The following SF3A2 variants were observed in gnomAD, a reference collection of about 807,000 sequenced individuals.
The protein encoded by SF3A2 is SAP 62.
In SF3A2, 5 loss-of-function variants were observed where a neutral mutation model predicts 31.1. That is an observed-to-expected ratio of 0.16 (90% CI 0.08 to 0.34). The LOEUF (loss-of-function observed/expected upper bound fraction) is 0.34, where lower values mean the gene tolerates loss of function less well. Among genes scored for constraint, SF3A2 ranks in the 10% least tolerant of loss-of-function variants. SF3A2 has a pLI of 1.00. For missense variants in SF3A2, 577 were observed against 643.9 expected (o/e 0.90, Z 1.13); for synonymous variants, 365 against 263.7 (o/e 1.38, Z -3.72).
In SF3A2 at chr19:2,247,868, C is replaced by A; in HGVS notation, c.717C>A (p.Asn239Lys). ...AGCGGCCTCCACCCCCGCTGATGAA[C>A]GGTCTGCCCCCTCGGCCACCGCTGC... The part of the protein sequence containing the change: ...GVKRPPPPLM[N>K]GLPPRPPLPE... The change falls in exon 9 of 9, where the codon AAC becomes AAA. Residue 239 changes from asparagine (N) to lysine (K), a missense_variant. Coordinates refer to ENST00000221494, the MANE Select transcript of SF3A2 (RefSeq NM_007165.5). The A allele has an allele frequency of 6.4e-7, 1 of 1,558,396 alleles. No individual in the cohort carries two copies. The highest frequency in any genetic ancestry group is 8.8e-7 in the Non-Finnish European group (1 of 1,139,470).
chr19:2,243,630 G>A, intron 2 of SF3A2, 86 bp downstream of exon 2: 2 of 1,405,490 alleles, frequency 1.4e-6, no homozygotes, highest in Non-Finnish European at 1.9e-6. Context: ...CTCTTCTTGG[G>A]CCTCCGCCCA....
In SF3A2 at chr19:2,245,775, C is replaced by T. The variant is rs578162794; in HGVS notation, c.355+220C>T. On this transcript the variant is annotated intron_variant, in intron 5 of 8. Coordinates refer to ENST00000221494, the MANE Select transcript of SF3A2 (RefSeq NM_007165.5). This position sits in a 1 kb window ranked among gnomAD's most constrained non-coding sequence, Gnocchi z 4.2. ...CCCATCTCACCCAGCAGCCCATTTC[C>T]CAGCTGAGCCACAGTCTGTGCCCTC... The T allele has an allele frequency of 5.2e-6, 3 of 578,188 alleles. No homozygotes were observed. Among genetic ancestry groups the T allele is most frequent in the East Asian group, 5.8e-5 (2 of 34,512 alleles). 35.8% of individuals were successfully genotyped at this position (578,188 alleles called of 1,614,324 possible). A position where few individuals can be genotyped will look rare whatever the true frequency, so the allele number is the denominator to read the frequency against.
At position 2,248,060 on chromosome 19, in the gene SF3A2, C is replaced by A; in HGVS notation, c.909C>A (p.Pro303=). The A allele has an allele frequency of 1.1e-6, 1 of 932,382 alleles. No individual in the cohort carries two copies. 57.8% of individuals were successfully genotyped at this position (932,382 alleles called of 1,614,324 possible). A position where few individuals can be genotyped will look rare whatever the true frequency, so the allele number is the denominator to read the frequency against. The part of the protein sequence containing the change: ...VVHPPASGVH[P]PAPGVHPPAP... ...ATCCCCCTGCATCTGGGGTCCATCC[C>A]CCAGCTCCTGGCGTCCACCCCCCAG... Residue 303 remains proline, a synonymous_variant, in exon 9 of 9, where the codon CCC becomes CCA. Coordinates refer to ENST00000221494, the MANE Select transcript of SF3A2 (RefSeq NM_007165.5).
intron 1 of SF3A2, among the ~76,000 whole-genome samples, chr19:2,238,315 C>T (rs1333887974): frequency 1.3e-5 from 2 of 152,174 alleles, no homozygotes; most frequent in East Asian, 3.8e-4. Flanking sequence ...AGCCACTGCA[C>T]CCGGCTAATT....
At position 2,247,946 on chromosome 19, in the gene SF3A2, CCCCACAGGGCCTGCG is replaced by C; in HGVS notation, c.799_813del (p.Thr267_Pro271del). ...GAGGCCTGCCTCTGCCACCCATGCCCCCCACAGGGCCTGCGCCCTCAGGGCCCCCGGGACCACCCC... is the reference window on the plus strand; with the variant it reads ...GAGGCCTGCCTCTGCCACCCATGCCCCCCTCAGGGCCCCCGGGACCACCCC... On this transcript the variant is annotated inframe_deletion, in exon 9 of 9. Coordinates refer to ENST00000221494, the MANE Select transcript of SF3A2 (RefSeq NM_007165.5). 1 of 1,432,140 alleles carries C rather than the reference CCCCACAGGGCCTGCG, an allele frequency of 7.0e-7. No individual in the cohort carries two copies. The highest frequency in any genetic ancestry group is 9.6e-7 in the Non-Finnish European group (1 of 1,038,096). 88.7% of individuals were successfully genotyped at this position (1,432,140 alleles called of 1,614,324 possible).
chr19:2,247,301 G>T, intron 7 of SF3A2: 1 of 549,392 alleles, frequency 1.8e-6, no homozygotes, highest in South Asian at 2.5e-5. Flanking sequence ...TCCTGGGCCA[G>T]GCTGCTGGAG....
chr19:2,243,651 T>A, intron 2 of SF3A2, 107 bp downstream of exon 2: 1 of 1,278,024 alleles, frequency 7.8e-7, no homozygotes, highest in Non-Finnish European at 1.0e-6. Flanking sequence ...GGCTGGGCGA[T>A]GCAGCCCCGT....
At position 2,246,092 on chromosome 19, in the gene SF3A2, G is replaced by C. The variant is rs1228086574; in HGVS notation, c.355+537G>C. Reference sequence around the variant, plus strand: ...AGCAAGTGTTCTTTACAGAAGGCGGGGACAGCCTGTGTGCCTGGCCTCCAG... The same window carrying C: ...AGCAAGTGTTCTTTACAGAAGGCGGCGACAGCCTGTGTGCCTGGCCTCCAG... On this transcript the variant is annotated intron_variant, in intron 5 of 8. Transcript: ENST00000221494. The surrounding 1 kb of genome is among the most constrained non-coding windows in gnomAD (Gnocchi z 5.5). Among the ~76,000 whole-genome samples the C allele has an allele frequency of 1.3e-5, 2 of 152,222 alleles. No individual in the cohort carries two copies. The highest frequency in any genetic ancestry group is 2.9e-5 in the Non-Finnish European group (2 of 68,042).
intron 1 of SF3A2, among the ~76,000 whole-genome samples, chr19:2,241,207 G>C (rs1401926914): frequency 6.6e-6 from 1 of 152,124 alleles, no homozygotes; most frequent in Non-Finnish European, 1.5e-5. Context: ...ATGACGCCCC[G>C]AGATCTGTGT....
chr19:2,248,580 A>T lies in SF3A2; in HGVS notation c.*34A>T. On this transcript the variant is annotated 3_prime_UTR_variant, in exon 9 of 9. Transcript: ENST00000221494. ...TCCCTCCCCCAGCAAGCCCAGCGCC[A>T]GGTGCTCTTGCCTTTTCCCACTGAG... is the stretch of plus-strand genomic sequence containing the variant. 1.6e-6 allele frequency: 1 copy of T among 633,984 alleles called. No homozygotes were observed. The highest frequency in any genetic ancestry group is 3.4e-5 in the East Asian group (1 of 29,800). 39.3% of individuals were successfully genotyped at this position (633,984 alleles called of 1,614,324 possible).
At chr19:2,241,191 C>T (rs941383340) in intron 1 of SF3A2, among the ~76,000 whole-genome samples, 1 of 152,166 alleles carries the variant, frequency 6.6e-6, no homozygotes, top group African/African-American at 2.4e-5. Context: ...GAGAGGGGAG[C>T]GCTTGATGAC....
rs377591309 is a variant in SF3A2, at chr19:2,248,474, G to A, written c.1323G>A (p.Met441Ile). The part of the protein sequence containing the change: ...SNPGVHPPTP[M>I]PPMLRPPLPS... ...CTGGGGTGCACCCCCCAACTCCCAT[G>A]CCCCCAATGCTGAGGCCCCCACTTC... Residue 441 changes from methionine (M) to isoleucine (I), a missense_variant, in exon 9 of 9, where the codon ATG becomes ATA. By Grantham distance (10) the Met-to-Ile change is conservative. This residue lies in a region of SF3A2 where 462 missense variants were observed against 339.1 expected (regional missense o/e 1.36). Coordinates refer to ENST00000221494, the MANE Select transcript of SF3A2 (RefSeq NM_007165.5). The A allele has an allele frequency of 6.2e-5, 68 of 1,092,598 alleles. 1 individual carries two copies. Among genetic ancestry groups the A allele is most frequent in the Non-Finnish European group, 7.6e-5 (67 of 876,602 alleles). 67.7% of individuals were successfully genotyped at this position (1,092,598 alleles called of 1,614,324 possible).
intron 1 of SF3A2, among the ~76,000 whole-genome samples, chr19:2,242,240 T>C (rs1336023680): frequency 6.6e-6 from 1 of 152,254 alleles, no homozygotes; most frequent in Non-Finnish European, 1.5e-5. Flanking sequence ...CTGTGACACA[T>C]CACTGCAGAC....
Position 2,245,378 on chromosome 19 carries a change from C to T in SF3A2, c.246-68C>T. 1 of 1,208,014 alleles carries T rather than the reference C, an allele frequency of 8.3e-7. No individual in the cohort carries two copies. Among genetic ancestry groups the T allele is most frequent in the Non-Finnish European group, 1.2e-6 (1 of 842,174 alleles). The allele number at this position is 1,208,014 out of a possible 1,614,324, so 74.8% of individuals were successfully genotyped here. On this transcript the variant is annotated intron_variant, in intron 4 of 8. Transcript: ENST00000221494. The surrounding 1 kb of genome is among the most constrained non-coding windows in gnomAD (Gnocchi z 4.2). ...AGCTCCAAGGTCAGGGGGCTCCTGG[C>T]ACCTGGGCCCATGGCTTTGGTGCCT...
rs1220291086 is a variant in SF3A2 at position 2,247,620 on chromosome 19, G to A, written c.573G>A (p.Ala191=). 5.6e-6 allele frequency: 9 copies of A among 1,613,432 alleles called. No homozygotes were observed. Among genetic ancestry groups the A allele is most frequent in the Middle Eastern group, 1.7e-4 (1 of 6,058 alleles). ...TGCCGAGCAGAGAGATCGACAAGGC[G>A]GAGGGCAAGTTCTGGACACACTGGA... The part of the protein sequence containing the change: ...FKVPSREIDK[A]EGKFWTHWNR... Residue 191 remains alanine (A), a synonymous_variant, in exon 8 of 9, where the codon GCG becomes GCA. Transcript: ENST00000221494.
At chr19:2,244,669 CAG>C in intron 3 of SF3A2, 54 bp downstream of exon 3, 1 of 1,610,830 alleles carries the variant, frequency 6.2e-7, no homozygotes, top group East Asian at 2.2e-5. Context: ...TGGCTGACGT[CAG>C]GGGGACCTGC....
At position 2,248,648 on chromosome 19, in the gene SF3A2, C is replaced by T. The variant is rs1255883694; in HGVS notation, c.*102C>T. On this transcript the variant is annotated 3_prime_UTR_variant, in exon 9 of 9. Transcript: ENST00000221494. ...TACTGCCCCCCGCTCATTAAACAGC[C>T]TCCCCCAGCCCTGAGTGCACTGATG... The T allele has an allele frequency of 7.3e-6, 3 of 411,418 alleles. No individual in the cohort carries two copies. The highest frequency in any genetic ancestry group is 1.3e-5 in the Non-Finnish European group (3 of 234,628). The allele number at this position is 411,418 out of a possible 1,614,324, so 25.5% of individuals were successfully genotyped here. A position where few individuals can be genotyped will look rare whatever the true frequency, so the allele number is the denominator to read the frequency against.
chr19:2,242,274 G>A (rs1162736944), intron 1 of SF3A2, among the ~76,000 whole-genome samples: 2 of 152,266 alleles, frequency 1.3e-5, no homozygotes, highest in African/African-American at 2.4e-5. Context: ...TGACACGGCT[G>A]TATCAGCTTC....
intron 1 of SF3A2, among the ~76,000 whole-genome samples, chr19:2,240,796 C>T (rs994208838): frequency 6.6e-6 from 1 of 152,206 alleles, no homozygotes; most frequent in Non-Finnish European, 1.5e-5. Flanking sequence ...AAAATGTGCC[C>T]GGAAATAAGT....
Sources: gnomAD v4.1 joint callset for allele counts (sites outside exome capture counted in the v4.1 genomes callset) on GRCh38, gnomAD v4.1.1 for gene constraint, gnomAD v4.1.1 regional missense constraint, Gnocchi (gnomAD v3.1) non-coding constraint, MANE v1.5 for transcripts, NCBI Gene and HGNC (gene_info 2026-07-23, HGNC 2026-07-21) for gene names.